Variants in DCAF6 observed in about 807,000 individuals in gnomAD.
DCAF6 encodes DDB1 and CUL4 associated factor 6, also known as DDB1- and CUL4-associated factor 6.
In DCAF6, 54 loss-of-function variants were observed where a neutral mutation model predicts 125.1. The observed-to-expected ratio is 0.43, with a 90% confidence interval of 0.35 to 0.54. DCAF6 has a LOEUF of 0.54. Ranked by LOEUF, DCAF6 falls within the 20% of genes least tolerant of loss-of-function variation. The probability of loss-of-function intolerance (pLI) is 0.01; values close to 1 mark genes in which losing one functional copy is unlikely to be tolerated. For missense variants in DCAF6, 934 were observed against 1,161.7 expected (o/e 0.80, Z 2.85); for synonymous variants, 371 against 390.4 (o/e 0.95, Z 0.58).
chr1:168,052,920 G>A (rs995318289), intron 17 of DCAF6, among the ~76,000 whole-genome samples: 3 of 152,110 alleles, frequency 2.0e-5, no homozygotes, highest in African/African-American at 7.2e-5. Flanking sequence ...TCCTTGCCTG[G>A]TATATAGGGC....
chr1:168,047,108 A>C (rs1249302863), intron 16 of DCAF6, among the ~76,000 whole-genome samples: 2 of 152,136 alleles, frequency 1.3e-5, no homozygotes, highest in African/African-American at 2.4e-5. Flanking sequence ...TTTGAAACAC[A>C]GTACTATAAC....
intron 10 of DCAF6, among the ~76,000 whole-genome samples, chr1:168,014,209 A>G (rs143932253): frequency 4.1e-4 from 62 of 152,316 alleles, no homozygotes; most frequent in African/African-American, 1.5e-3. Context: ...TTTAACTAAA[A>G]TAGCTCTTGT....
intron 18 of DCAF6, among the ~76,000 whole-genome samples, chr1:168,065,222 T>G (rs186412558): frequency 1.3e-5 from 2 of 152,142 alleles, no homozygotes; most frequent in Admixed American, 6.5e-5. Flanking sequence ...AAAGTCCCTC[T>G]TCTTAGGGGG....
In DCAF6 at chr1:167,993,410, A is replaced by G. The variant is rs1681151338; in HGVS notation, c.873A>G (p.Lys291=). The G allele has an allele frequency of 6.2e-7, 1 of 1,613,876 alleles. No individual in the cohort carries two copies. The highest frequency in any genetic ancestry group is 1.7e-5 in the Admixed American group (1 of 60,008). Residue 291 remains lysine, a synonymous_variant, in exon 7 of 22, where the codon AAA becomes AAG. Transcript: ENST00000367840. ...AAGATGATACAGCACGAGAACTTAA[A>G]ACTCCTTCTGCGGAAGAGAGAAGAG... ...DPKDDTAREL[K]TPSAEERREE...
intron 17 of DCAF6, among the ~76,000 whole-genome samples, chr1:168,051,167 A>G (rs953380756): frequency 5.9e-5 from 9 of 152,234 alleles, no homozygotes; most frequent in African/African-American, 2.2e-4. Context: ...GTTCACTTCA[A>G]ATATGTCATA....
intron 1 of DCAF6, among the ~76,000 whole-genome samples, chr1:167,943,711 T>G (rs1236923632): frequency 6.6e-6 from 1 of 152,236 alleles, no homozygotes; most frequent in Non-Finnish European, 1.5e-5. Context: ...CCACTCTGCA[T>G]CTGTGTGAAC....
At chr1:168,000,271 C>G (rs1400476072) in intron 7 of DCAF6, among the ~76,000 whole-genome samples, 3 of 152,062 alleles carry the variant, frequency 2.0e-5, no homozygotes, top group Non-Finnish European at 1.5e-5. Context: ...TCAAAGGTCT[C>G]TGATCACAGA....
chr1:167,878,760 A>C, the DCAF6 span: 2 of 964,808 alleles, frequency 2.1e-6, no homozygotes, highest in East Asian at 2.6e-5. Context: ...TGAGTGACAC[A>C]GAAGCCTAGT....
At chr1:168,036,344 A>G (rs550369041) in intron 12 of DCAF6, among the ~76,000 whole-genome samples, 28 of 152,366 alleles carry the variant, frequency 1.8e-4, no homozygotes, top group African/African-American at 6.5e-4. Flanking sequence ...AGTCTTAACT[A>G]TAACCAAGGT....
intron 17 of DCAF6, among the ~76,000 whole-genome samples, chr1:168,052,129 C>T (rs1239926410): frequency 6.6e-6 from 1 of 152,090 alleles, no homozygotes; most frequent in East Asian, 1.9e-4. Context: ...AGTGATCTGC[C>T]CATGTTGGCC....
At chr1:167,965,806 T>C (rs1676326404) in intron 2 of DCAF6, among the ~76,000 whole-genome samples, 1 of 152,118 alleles carries the variant, frequency 6.6e-6, no homozygotes, top group African/African-American at 2.4e-5. Context: ...GGCTAATTTT[T>C]GTATTTTTAG....
At chr1:167,934,017 G>A (rs971654700), upstream of DCAF6, among the ~76,000 whole-genome samples, 2 of 152,178 alleles carry the variant, frequency 1.3e-5, no homozygotes, top group African/African-American at 4.8e-5. Context: ...AGGTCACACA[G>A]CCAAGACTGA....
chr1:168,004,734 C>T lies in DCAF6; in HGVS notation c.1319C>T (p.Pro440Leu), dbSNP rs1197682012. The T allele has an allele frequency of 8.7e-6, 14 of 1,613,974 alleles. No homozygotes were observed. Among genetic ancestry groups the T allele is most frequent in the Non-Finnish European group, 1.2e-5 (14 of 1,179,898 alleles). ...SPHSTPLLSSPDSEQRQSVEA... is the reference protein window; with the variant it reads ...SPHSTPLLSSLDSEQRQSVEA... Reference sequence around the variant, plus strand: ...CATTCTACTCCTTTGCTATCTTCTCCAGACAGTGAACAAAGGCAGTCTGTT... The same window carrying T: ...CATTCTACTCCTTTGCTATCTTCTCTAGACAGTGAACAAAGGCAGTCTGTT... Residue 440 changes from proline (P) to leucine (L), a missense_variant, in exon 10 of 22, where the codon CCA becomes CTA. This residue lies in a region of DCAF6 where 559 missense variants were observed against 635.5 expected (regional missense o/e 0.88). Transcript: ENST00000367840.
chr1:167,901,932 G>A, the DCAF6 span: 3 of 1,604,908 alleles, frequency 1.9e-6, no homozygotes, highest in African/African-American at 4.0e-5. Flanking sequence ...CCCTTCTCTA[G>A]GATGCCTCCT....
chr1:167,957,633 T>G (rs982585867), intron 2 of DCAF6, among the ~76,000 whole-genome samples: 1 of 152,176 alleles, frequency 6.6e-6, no homozygotes. Flanking sequence ...TTCAATTATC[T>G]TGGCTGTATA....
At chr1:168,026,387 A>G (rs1409750610) in intron 12 of DCAF6, among the ~76,000 whole-genome samples, 2 of 152,174 alleles carry the variant, frequency 1.3e-5, no homozygotes, top group East Asian at 1.9e-4. Context: ...TCAGATTTAC[A>G]TATTGGAAAG....
intron 2 of DCAF6, among the ~76,000 whole-genome samples, chr1:167,952,908 A>G (rs952016546): frequency 6.6e-6 from 1 of 152,124 alleles, no homozygotes; most frequent in Admixed American, 6.5e-5. Context: ...TGTGACCTAG[A>G]CTTAGTAATT....
chr1:168,063,485 T>C (rs1316083480), intron 17 of DCAF6, 136 bp from the exon 18 acceptor site: 1 of 620,436 alleles, frequency 1.6e-6, no homozygotes, highest in Non-Finnish European at 2.5e-6. Context: ...TGCGTTTTTA[T>C]GCTTTTGGTT....
intron 10 of DCAF6, among the ~76,000 whole-genome samples, chr1:168,009,384 TTCC>T (rs1238872754): frequency 7.1e-6 from 1 of 141,520 alleles, no homozygotes; most frequent in African/African-American, 2.8e-5. Context: ...CCTTCCTTCC[TTCC>T]TTTCTTTCTT....
Sources: allele counts gnomAD v4.1 joint callset (sites outside exome capture counted in the v4.1 genomes callset), GRCh38; gene constraint gnomAD v4.1.1; regional missense constraint gnomAD v4.1.1; transcripts MANE v1.5; gene names NCBI Gene and HGNC (gene_info 2026-07-23, HGNC 2026-07-21).